Variants in AGFG1 observed in about 807,000 individuals in gnomAD.
AGFG1 encodes arf-GAP domain and FG repeat-containing protein 1.
A neutral mutation model predicts 60.6 loss-of-function variants in AGFG1; 10 were observed. That is an observed-to-expected ratio of 0.16 (90% CI 0.10 to 0.28). The LOEUF is 0.28. Ranked by LOEUF, AGFG1 falls within the 10% of genes least tolerant of loss-of-function variation. The pLI is 1.00. For missense variants in AGFG1, 537 were observed against 676.5 expected (o/e 0.79, Z 2.29); for synonymous variants, 247 against 242.9 (o/e 1.02, Z -0.16).
chr2:227,519,850 A>G lies in AGFG1; in HGVS notation c.262-98A>G, dbSNP rs992739712. 3.6e-5 allele frequency: 23 copies of G among 645,262 alleles called. No individual in the cohort carries two copies. The African/African-American group carries it at 4.2e-4, about 12-fold the overall frequency. The allele number at this position is 645,262 out of a possible 1,614,324, so 40.0% of individuals were successfully genotyped here. ...TTGAAAGCATATTATTAAAATTATT[A>G]TGTAGATTAGCTTCCTGAAAGAATC... On this transcript the variant is annotated intron_variant, in intron 2 of 12. Coordinates refer to ENST00000310078, the MANE Select transcript of AGFG1 (RefSeq NM_004504.5).
chr2:227,532,259 C>A, intron 6 of AGFG1: 1 of 1,404,232 alleles, frequency 7.1e-7, no homozygotes, highest in Non-Finnish European at 9.7e-7. Context: ...TATATTTTTG[C>A]TATACTTCAA....
chr2:227,511,433 A>G (rs1359404739), intron 2 of AGFG1, among the ~76,000 whole-genome samples: 3 of 152,278 alleles, frequency 2.0e-5, no homozygotes, highest in Non-Finnish European at 2.9e-5. Flanking sequence ...GTTGTAGCTG[A>G]AAGTAGTCAT....
intron 5 of AGFG1, among the ~76,000 whole-genome samples, chr2:227,526,218 A>T (rs1691986455): frequency 6.6e-6 from 1 of 152,044 alleles, no homozygotes; most frequent in African/African-American, 2.4e-5. Flanking sequence ...CATTTATTTG[A>T]GGTGGAGTCT....
intron 10 of AGFG1, among the ~76,000 whole-genome samples, chr2:227,547,163 C>T (rs1381832251): frequency 6.6e-6 from 1 of 152,126 alleles, no homozygotes; most frequent in African/African-American, 2.4e-5. Flanking sequence ...TTCCTTATAT[C>T]TAAATACTTA....
At chr2:227,527,335 T>A (rs907187476) in intron 5 of AGFG1, among the ~76,000 whole-genome samples, 14 of 152,268 alleles carry the variant, frequency 9.2e-5, no homozygotes, top group African/African-American at 3.4e-4. Flanking sequence ...TTCTCTCTTT[T>A]ATACACACTT....
At chr2:227,537,480 G>C (rs1342645388) in intron 10 of AGFG1, among the ~76,000 whole-genome samples, 1 of 152,110 alleles carries the variant, frequency 6.6e-6, no homozygotes, top group East Asian at 1.9e-4. Flanking sequence ...TCTTTCAGGT[G>C]TTAACATTTT....
Position 227,550,498 on chromosome 2 carries a change from C to T in AGFG1, c.1379-1461C>T, listed in dbSNP as rs116688601. Among the ~76,000 whole-genome samples, 513 of 152,250 alleles carry T rather than the reference C, an allele frequency of 3.4e-3. 3 individuals are homozygous for T. The highest frequency in any genetic ancestry group is 0.012 in the African/African-American group (487 of 41,538). ...TTCAAGTTTTGCTTTTAAGTGCTCTCTTAAAGTGATTTGTCAAAGTTACGT... is the reference window on the plus strand; with the variant it reads ...TTCAAGTTTTGCTTTTAAGTGCTCTTTTAAAGTGATTTGTCAAAGTTACGT... On this transcript the variant is annotated intron_variant, in intron 10 of 12. Coordinates refer to ENST00000310078, the MANE Select transcript of AGFG1 (RefSeq NM_004504.5).
chr2:227,474,089 T>A (rs1690209818), intron 1 of AGFG1, among the ~76,000 whole-genome samples: 1 of 152,226 alleles, frequency 6.6e-6, no homozygotes, highest in Non-Finnish European at 1.5e-5. Flanking sequence ...GTTAATAATA[T>A]TCTCGAATTA....
intron 10 of AGFG1, among the ~76,000 whole-genome samples, chr2:227,543,548 A>T (rs999115631): frequency 6.6e-6 from 1 of 152,248 alleles, no homozygotes; most frequent in Middle Eastern, 3.4e-3. Flanking sequence ...GTTATTTTGC[A>T]TTTGCTGAAG....
chr2:227,476,984 C>T (rs1001213636), intron 1 of AGFG1, among the ~76,000 whole-genome samples: 18 of 151,212 alleles, frequency 1.2e-4, no homozygotes, highest in South Asian at 4.2e-4. Flanking sequence ...TCACTGCAAC[C>T]TCTGTCTCCC....
intron 10 of AGFG1, among the ~76,000 whole-genome samples, chr2:227,545,672 T>C (rs946667784): frequency 2.0e-5 from 3 of 152,200 alleles, no homozygotes; most frequent in African/African-American, 7.2e-5. Context: ...TTTTTGATGT[T>C]GATGCTACTC....
chr2:227,552,670 T>C (rs1692854220), intron 11 of AGFG1, among the ~76,000 whole-genome samples: 2 of 151,768 alleles, frequency 1.3e-5, no homozygotes, highest in African/African-American at 4.8e-5. Context: ...GGTTTCTTTT[T>C]TCTTTTTTTT....
At chr2:227,540,521 G>A (rs1234171060) in intron 10 of AGFG1, among the ~76,000 whole-genome samples, 9 of 152,178 alleles carry the variant, frequency 5.9e-5, no homozygotes, top group African/African-American at 1.9e-4. Context: ...CAAAGGACAT[G>A]AACTCATCCT....
intron 7 of AGFG1, 88 bp downstream of exon 7, chr2:227,533,846 A>G (rs1486148351): frequency 2.4e-6 from 3 of 1,230,260 alleles, no homozygotes; most frequent in African/African-American, 1.5e-5. Flanking sequence ...AACATGCTAC[A>G]CTTTTCTCAG....
intron 2 of AGFG1, among the ~76,000 whole-genome samples, chr2:227,500,935 G>A (rs1294883730): frequency 1.3e-5 from 2 of 152,046 alleles, no homozygotes; most frequent in East Asian, 1.9e-4. Context: ...TGGGATTACA[G>A]GCGCTCGCCA....
chr2:227,554,782 A>G lies in AGFG1; in HGVS notation c.*287A>G, dbSNP rs972993679. The stretch of plus-strand genomic sequence containing the variant: ...CATTCATTATGCTGCAGTACTGTAC[A>G]TATTTTTCTTAGAAATTAGCTATTT... On this transcript the variant is annotated 3_prime_UTR_variant, in exon 13 of 13. Coordinates refer to ENST00000310078, the MANE Select transcript of AGFG1 (RefSeq NM_004504.5). 4.1e-6 allele frequency: 1 copy of G among 242,684 alleles called. No individual in the cohort carries two copies. Among genetic ancestry groups the G allele is most frequent in the African/African-American group, 2.2e-5 (1 of 44,650 alleles). The allele number at this position is 242,684 out of a possible 1,614,324, so 15.0% of individuals were successfully genotyped here.
intron 2 of AGFG1, among the ~76,000 whole-genome samples, chr2:227,511,292 A>G (rs1488704167): frequency 6.6e-6 from 1 of 152,152 alleles, no homozygotes; most frequent in Non-Finnish European, 1.5e-5. Flanking sequence ...CTAGTCTTGG[A>G]TGCTGGGATG....
intron 2 of AGFG1, among the ~76,000 whole-genome samples, chr2:227,495,542 T>A (rs1245287891): frequency 7.2e-6 from 1 of 138,346 alleles, no homozygotes; most frequent in Admixed American, 7.1e-5. Flanking sequence ...CGAGATACTG[T>A]CTCAAAAAAA....
intron 1 of AGFG1, among the ~76,000 whole-genome samples, chr2:227,481,697 A>G (rs759991676): frequency 1.3e-5 from 2 of 152,100 alleles, no homozygotes; most frequent in Non-Finnish European, 1.5e-5. Context: ...TAGTAGGTGT[A>G]TGTATTTATG....
Sources: gnomAD v4.1 joint callset for allele counts (sites outside exome capture counted in the v4.1 genomes callset) on GRCh38, gnomAD v4.1.1 for gene constraint, MANE v1.5 for transcripts, NCBI Gene and HGNC (gene_info 2026-07-23, HGNC 2026-07-21) for gene names.